Variants in JADE1 observed in about 807,000 individuals in gnomAD.
The protein encoded by JADE1 is protein Jade-1.
Under a neutral mutation model 81.8 loss-of-function variants are expected in JADE1, and 14 were observed. The ratio of observed to expected loss-of-function variants is 0.17; its 90% CI spans 0.11 to 0.27. The LOEUF is 0.27. Among genes scored for constraint, JADE1 ranks in the 10% least tolerant of loss-of-function variants. JADE1 has a pLI of 1.00. For synonymous variants in JADE1, 353 were observed against 391.9 expected, an observed-to-expected ratio of 0.90 and a Z score of 1.17; for missense variants, 690 against 1,047.9, an observed-to-expected ratio of 0.66 and a Z score of 4.71.
chr4:128,837,127 C>G (rs1729048906), intron 2 of JADE1, among the ~76,000 whole-genome samples: 1 of 152,182 alleles, frequency 6.6e-6, no homozygotes, highest in Non-Finnish European at 1.5e-5. Flanking sequence ...GGAAGAAGGT[C>G]TGGAGCCAGG....
intron 2 of JADE1, among the ~76,000 whole-genome samples, chr4:128,840,927 C>G (rs1729384292): frequency 6.6e-6 from 1 of 152,264 alleles, no homozygotes; most frequent in Admixed American, 6.5e-5. Context: ...AGTAATGAGC[C>G]TCAGAACTGG....
chr4:128,863,964 G>A, intron 9 of JADE1: 2 of 985,380 alleles, frequency 2.0e-6, no homozygotes, highest in Non-Finnish European at 2.4e-6. Context: ...AAGTTACTCA[G>A]ATTAACATGC....
chr4:128,864,053 C>T, intron 9 of JADE1: 1 of 985,174 alleles, frequency 1.0e-6, no homozygotes, highest in Non-Finnish European at 1.2e-6. Flanking sequence ...GTATGAGAAA[C>T]AGGGAATAAA....
At chr4:128,864,336 C>T (rs770477757) in intron 9 of JADE1, 114 of 607,364 alleles carry the variant, frequency 1.9e-4, no homozygotes, top group Non-Finnish European at 2.1e-4. Context: ...TTAGTAGAGA[C>T]GGTTTCACCA....
intron 9 of JADE1, chr4:128,862,510 C>G: frequency 7.9e-7 from 1 of 1,273,118 alleles, no homozygotes; most frequent in East Asian, 3.5e-5. Flanking sequence ...TGTGTCTTCC[C>G]CACCCCCATT....
chr4:128,861,879 A>G lies in JADE1; in HGVS notation c.1157A>G (p.Asn386Ser), dbSNP rs145858818. Residue 386 changes from asparagine to serine, a missense_variant, in exon 9 of 11, where the codon AAT becomes AGT. Asn to Ser is a conservative substitution (Grantham distance 46, BLOSUM62 1). This residue lies in a region of JADE1 where 77 missense variants were observed against 76.4 expected (regional missense o/e 1.01). Transcript: ENST00000226319. ...CTTGGCAAGGGGGCTGCACAGGAGA[A>G]TGGGGCCCCTGAGTGTTCCCCCCGG... is the stretch of plus-strand genomic sequence containing the variant. Reference protein sequence around the residue: ...ESLGKGAAQENGAPECSPRNP... With the variant: ...ESLGKGAAQESGAPECSPRNP... 2.0e-4 allele frequency: 329 copies of G among 1,614,022 alleles called. No homozygotes were observed. The highest frequency in any genetic ancestry group is 2.6e-4 in the Non-Finnish European group (312 of 1,179,986).
intron 1 of JADE1, among the ~76,000 whole-genome samples, chr4:128,822,238 G>A (rs562904525): frequency 6.6e-6 from 1 of 152,004 alleles, no homozygotes; most frequent in African/African-American, 2.4e-5. Context: ...GTGGTGGTGT[G>A]CGCCTCTAGT....
chr4:128,821,083 G>C (rs1038252325), intron 1 of JADE1, among the ~76,000 whole-genome samples: 1 of 152,084 alleles, frequency 6.6e-6, no homozygotes, highest in Non-Finnish European at 1.5e-5. Flanking sequence ...GAAGTGTGTA[G>C]GTTTGTATTA....
chr4:128,861,606 C>T (rs1350685705), intron 8 of JADE1, 98 bp from the exon 9 acceptor site: 15 of 1,322,966 alleles, frequency 1.1e-5, no homozygotes, highest in Non-Finnish European at 1.6e-5. Flanking sequence ...CATGGCTCTT[C>T]TCTGTGCATG....
At chr4:128,848,250 C>T (rs1382563402) in intron 4 of JADE1, among the ~76,000 whole-genome samples, 1 of 152,176 alleles carries the variant, frequency 6.6e-6, no homozygotes, top group African/African-American at 2.4e-5. Context: ...GCAATCTTGG[C>T]TCACTACAAC....
rs1423647984 is a variant in JADE1, at chr4:128,856,029, G to A, written c.864+232G>A. Reference sequence around the variant, plus strand: ...TGAGGGGATCTCACTTTGTTGACCTGGCTGGTCTCAAACTCCTGGGATCAA... The same window carrying A: ...TGAGGGGATCTCACTTTGTTGACCTAGCTGGTCTCAAACTCCTGGGATCAA... On this transcript the variant is annotated intron_variant, in intron 7 of 10. Transcript: ENST00000226319. 2.6e-5 allele frequency among the ~76,000 whole-genome samples: 4 copies of A among 152,008 alleles called. No individual in the cohort carries two copies. The South Asian group carries it at 8.3e-4, about 32-fold the overall frequency.
intron 2 of JADE1, among the ~76,000 whole-genome samples, chr4:128,838,118 G>A (rs143388190): frequency 5.6e-4 from 85 of 152,246 alleles, no homozygotes; most frequent in Middle Eastern, 3.4e-3. Flanking sequence ...CTGAAGGAAC[G>A]TTGTGCCCGG....
intron 2 of JADE1, among the ~76,000 whole-genome samples, chr4:128,835,120 A>G (rs1728877807): frequency 1.3e-5 from 2 of 152,194 alleles, no homozygotes; most frequent in East Asian, 3.9e-4. Context: ...ATGGAGAATT[A>G]AGGTAAATAT....
chr4:128,855,903 T>G, intron 7 of JADE1, 106 bp downstream of exon 7: 1 of 958,644 alleles, frequency 1.0e-6, no homozygotes, highest in South Asian at 2.1e-5. Context: ...CACTGCAGCC[T>G]TGACCTGCTG....
intron 1 of JADE1, among the ~76,000 whole-genome samples, chr4:128,812,294 C>CTCGG (rs1726508441): frequency 6.6e-6 from 1 of 151,762 alleles, no homozygotes; most frequent in Non-Finnish European, 1.5e-5. Flanking sequence ...TTTCTGTCGC[C>CTCGG]TCGGGAGGAG....
chr4:128,811,773 G>C (rs1340083974), intron 1 of JADE1: 1 of 150,512 alleles, frequency 6.6e-6, no homozygotes, highest in Admixed American at 6.6e-5. Flanking sequence ...CGGTTCCGGC[G>C]GGCGGCCGCA....
chr4:128,862,705 A>G, intron 9 of JADE1: 1 of 1,009,662 alleles, frequency 9.9e-7, no homozygotes, highest in Non-Finnish European at 1.2e-6. Context: ...GGGCTTATGA[A>G]GGAAGCTAAG....
chr4:128,828,852 C>G (rs1334108388), intron 1 of JADE1, among the ~76,000 whole-genome samples: 1 of 152,092 alleles, frequency 6.6e-6, no homozygotes, highest in Non-Finnish European at 1.5e-5. Flanking sequence ...CCCTGTGTTG[C>G]CCACTCCGGT....
chr4:128,846,273 T>A lies in JADE1; in HGVS notation c.139-102T>A. Reference sequence around the variant, plus strand: ...TCAGGCTTGTTCTATGTTGATACAGTGACCTTGTTACATGGCAGCTCCATG... The same window carrying A: ...TCAGGCTTGTTCTATGTTGATACAGAGACCTTGTTACATGGCAGCTCCATG... On this transcript the variant is annotated intron_variant, in intron 3 of 10. Coordinates refer to ENST00000226319, the MANE Select transcript of JADE1 (RefSeq NM_199320.4). This position sits in a 1 kb window ranked among gnomAD's most constrained non-coding sequence, Gnocchi z 4.0. 2 of 1,177,216 alleles carry A rather than the reference T, an allele frequency of 1.7e-6. No homozygotes were observed. The highest frequency in any genetic ancestry group is 2.5e-6 in the Non-Finnish European group (2 of 808,468). 72.9% of individuals were successfully genotyped at this position (1,177,216 alleles called of 1,614,324 possible).
Sources: allele counts gnomAD v4.1 joint callset (sites outside exome capture counted in the v4.1 genomes callset), GRCh38; gene constraint gnomAD v4.1.1; regional missense constraint gnomAD v4.1.1; non-coding constraint Gnocchi (gnomAD v3.1); transcripts MANE v1.5; gene names NCBI Gene and HGNC (gene_info 2026-07-23, HGNC 2026-07-21).